The following SHISA6 variants were observed in gnomAD, a reference collection of about 807,000 sequenced individuals.
SHISA6 encodes the protein protein shisa-6.
SHISA6 carries 22 observed loss-of-function variants against 47.9 expected under a neutral mutation model. That is an observed-to-expected ratio of 0.46 (90% confidence interval 0.33 to 0.66). SHISA6 has a LOEUF of 0.66. Ranked by LOEUF, SHISA6 falls within the 30% of genes least tolerant of loss-of-function variation. The pLI is 0.02. For synonymous variants in SHISA6, 388 were observed against 337.8 expected, an observed-to-expected ratio of 1.15 and a Z score of -1.63; for missense variants, 680 against 764.6, an observed-to-expected ratio of 0.89 and a Z score of 1.30.
At chr17:11,356,856 AG>A (rs1440493326) in intron 2 of SHISA6, among the ~76,000 whole-genome samples, 1 of 152,182 alleles carries the variant, frequency 6.6e-6, no homozygotes, top group Non-Finnish European at 1.5e-5. Flanking sequence ...TGGCGAGGTC[AG>A]GGGTGAACAA....
At chr17:11,376,271 C>T (rs781656445) in intron 2 of SHISA6, among the ~76,000 whole-genome samples, 2 of 151,950 alleles carry the variant, frequency 1.3e-5, no homozygotes, top group Non-Finnish European at 2.9e-5. Flanking sequence ...AGAAGAGGCA[C>T]TGACTCCCCT....
At chr17:11,252,540 A>G (rs1436840044) in intron 1 of SHISA6, among the ~76,000 whole-genome samples, 1 of 152,182 alleles carries the variant, frequency 6.6e-6, no homozygotes, top group Non-Finnish European at 1.5e-5. Context: ...AGTCCCTTCA[A>G]GAGCCCATCC....
chr17:11,524,258 A>C (rs991118423), intron 3 of SHISA6, among the ~76,000 whole-genome samples: 1 of 152,106 alleles, frequency 6.6e-6, no homozygotes, highest in Non-Finnish European at 1.5e-5. Flanking sequence ...ATAAGAGAGC[A>C]ACTTGTTTCA....
intron 4 of SHISA6, among the ~76,000 whole-genome samples, chr17:11,555,277 T>C (rs1259372129): frequency 6.6e-6 from 1 of 152,020 alleles, no homozygotes; most frequent in African/African-American, 2.4e-5. Context: ...TGGACTCAGT[T>C]CTTCTATGGG....
intron 3 of SHISA6, among the ~76,000 whole-genome samples, chr17:11,454,221 T>A (rs1354649905): frequency 1.3e-5 from 2 of 152,158 alleles, no homozygotes; most frequent in Non-Finnish European, 2.9e-5. Flanking sequence ...AGGTTCTACC[T>A]CCAAACTATA....
chr17:11,271,757 G>A lies in SHISA6; in HGVS notation c.799+8231G>A, dbSNP rs147786747. 3.6e-3 allele frequency among the ~76,000 whole-genome samples: 552 copies of A among 152,078 alleles called. 2 individuals are homozygous for A. The highest frequency in any genetic ancestry group is 0.013 in the African/African-American group (524 of 41,456). ...TTACAGGCGTGAGCCACCACGCCCAGCCCCATTTTCCATTTAACAAGACCC... is the reference window on the plus strand; with the variant it reads ...TTACAGGCGTGAGCCACCACGCCCAACCCCATTTTCCATTTAACAAGACCC... On this transcript the variant is annotated intron_variant, in intron 2 of 5. Transcript: ENST00000441885.
At chr17:11,251,571 T>C (rs1042041928) in intron 1 of SHISA6, among the ~76,000 whole-genome samples, 2 of 152,010 alleles carry the variant, frequency 1.3e-5, no homozygotes, top group African/African-American at 4.8e-5. Context: ...ATTTCTAGTT[T>C]TAATTACTGA....
At chr17:11,417,199 CAG>C (rs10578820) in intron 3 of SHISA6, among the ~76,000 whole-genome samples, 70,745 of 151,602 alleles carry the variant, frequency 0.47, 17,552 homozygotes, top group Non-Finnish European at 0.54. Flanking sequence ...GTCTGTTCAC[CAG>C]AGTCTAAAAT....
At chr17:11,333,936 A>G (rs964688846) in intron 2 of SHISA6, among the ~76,000 whole-genome samples, 5 of 152,158 alleles carry the variant, frequency 3.3e-5, no homozygotes, top group Admixed American at 3.3e-4. Flanking sequence ...TTAAGTTTCT[A>G]CCACCATCCA....
chr17:11,279,875 C>T (rs927968769), intron 2 of SHISA6, among the ~76,000 whole-genome samples: 1 of 152,084 alleles, frequency 6.6e-6, no homozygotes, highest in Non-Finnish European at 1.5e-5. Flanking sequence ...CATTAGCAGG[C>T]TCACGCTCTC....
chr17:11,388,028 G>C (rs920461169), intron 3 of SHISA6, among the ~76,000 whole-genome samples: 4 of 152,136 alleles, frequency 2.6e-5, no homozygotes, highest in Non-Finnish European at 5.9e-5. Flanking sequence ...GTATGTGTGG[G>C]CCTCTGTAAA....
intron 2 of SHISA6, among the ~76,000 whole-genome samples, chr17:11,300,798 G>GAA (rs1456002728): frequency 1.3e-5 from 2 of 151,402 alleles, no homozygotes; most frequent in East Asian, 3.9e-4. Context: ...GGCTCTTTGT[G>GAA]AAATGCTAGT....
At chr17:11,287,082 A>G (rs1186769930) in intron 2 of SHISA6, among the ~76,000 whole-genome samples, 1 of 152,166 alleles carries the variant, frequency 6.6e-6, no homozygotes, top group Non-Finnish European at 1.5e-5. Flanking sequence ...CTTTAGAAAC[A>G]TGTGAAAATG....
At position 11,379,459 on chromosome 17, in the gene SHISA6, A is replaced by G. The variant is rs1420572014; in HGVS notation, c.845A>G (p.His282Arg). ...TACCGAAGTGGAGGACCTGATCTCC[A>G]TAACTTCATCTCATCTGGATTTGTC... ...DAYRSGGPDLHNFISSGFVTL... is the reference protein window; with the variant it reads ...DAYRSGGPDLRNFISSGFVTL... Residue 282 changes from histidine to arginine, a missense_variant, in exon 3 of 6, where the codon CAT becomes CGT. By Grantham distance (29) the His-to-Arg change is conservative. Coordinates refer to ENST00000441885, the MANE Select transcript of SHISA6 (RefSeq NM_207386.4). 3 of 1,543,524 alleles carry G rather than the reference A, an allele frequency of 1.9e-6. No individual in the cohort carries two copies. Among genetic ancestry groups the G allele is most frequent in the Non-Finnish European group, 2.6e-6 (3 of 1,143,534 alleles).
intron 3 of SHISA6, among the ~76,000 whole-genome samples, chr17:11,399,670 T>C (rs7212913): frequency 0.046 from 7,074 of 152,204 alleles, 500 homozygotes; most frequent in African/African-American, 0.15. Context: ...GATCTGCCTG[T>C]CTCGGCCTCC....
intron 2 of SHISA6, among the ~76,000 whole-genome samples, chr17:11,280,178 C>T (rs921778536): frequency 7.2e-5 from 11 of 152,150 alleles, no homozygotes; most frequent in African/African-American, 1.9e-4. Context: ...CTTGCAAGTC[C>T]TGTTTTGAAA....
At chr17:11,260,745 T>C (rs1029033472) in intron 1 of SHISA6, among the ~76,000 whole-genome samples, 1 of 151,886 alleles carries the variant, frequency 6.6e-6, no homozygotes, top group Non-Finnish European at 1.5e-5. Flanking sequence ...CTCACTCTCC[T>C]TCTGTCTCCT....
At chr17:11,482,520 A>G (rs1351501244) in intron 3 of SHISA6, among the ~76,000 whole-genome samples, 1 of 152,234 alleles carries the variant, frequency 6.6e-6, no homozygotes, top group Non-Finnish European at 1.5e-5. Context: ...TGCCAAGGAA[A>G]AAAAATTACA....
intron 2 of SHISA6, among the ~76,000 whole-genome samples, chr17:11,333,077 A>G (rs912442503): frequency 6.6e-6 from 1 of 152,156 alleles, no homozygotes; most frequent in Non-Finnish European, 1.5e-5. Context: ...TCACTGTGAC[A>G]AGAACACAGC....
Sources: gnomAD v4.1 joint callset for allele counts (sites outside exome capture counted in the v4.1 genomes callset) on GRCh38, gnomAD v4.1.1 for gene constraint, MANE v1.5 for transcripts, NCBI Gene and HGNC (gene_info 2026-07-23, HGNC 2026-07-21) for gene names.